The following GSK3B variants were observed in gnomAD, a reference collection of about 807,000 sequenced individuals.
GSK3B encodes glycogen synthase kinase-3 beta.
GSK3B carries 15 observed loss-of-function variants against 56.4 expected under a neutral mutation model. That is an observed-to-expected ratio of 0.27 (90% confidence interval 0.18 to 0.41). The LOEUF is 0.41. GSK3B is among the 10% of genes least tolerant of loss of function. The probability of loss-of-function intolerance (pLI) is 1.00; values close to 1 mark genes in which losing one functional copy is unlikely to be tolerated. For synonymous variants in GSK3B, 181 were observed against 188.9 expected (o/e 0.96, Z 0.34); for missense variants, 300 against 513.4 (o/e 0.58, Z 4.02).
At chr3:120,068,543 A>C (rs1424972781) in intron 1 of GSK3B, among the ~76,000 whole-genome samples, 1 of 151,040 alleles carries the variant, frequency 6.6e-6, no homozygotes, top group African/African-American at 2.4e-5. Context: ...CCTACTAAAA[A>C]TCCAAAAATT....
intron 2 of GSK3B, among the ~76,000 whole-genome samples, chr3:119,957,937 G>A (rs532456506): frequency 4.6e-5 from 7 of 152,224 alleles, no homozygotes; most frequent in Admixed American, 3.3e-4. Flanking sequence ...ATACAAGTAG[G>A]CAAATAAAGA....
intron 7 of GSK3B, 67 bp downstream of exon 7, chr3:119,905,688 T>C: frequency 1.1e-6 from 1 of 889,640 alleles, no homozygotes; most frequent in Admixed American, 1.7e-5. Context: ...TGTACATGTG[T>C]GATATATATT....
chr3:119,967,025 T>C (rs947264489), intron 2 of GSK3B, among the ~76,000 whole-genome samples: 3 of 152,036 alleles, frequency 2.0e-5, no homozygotes, highest in African/African-American at 7.2e-5. Context: ...AATGTTAAGA[T>C]GGCAATATTC....
intron 9 of GSK3B, among the ~76,000 whole-genome samples, chr3:119,846,179 C>T (rs556595065): frequency 1.3e-5 from 2 of 152,156 alleles, no homozygotes; most frequent in East Asian, 3.9e-4. Flanking sequence ...AACGTAAGAC[C>T]TAAAACCATA....
intron 10 of GSK3B, among the ~76,000 whole-genome samples, chr3:119,835,602 T>C (rs1347018316): frequency 3.3e-5 from 5 of 152,214 alleles, no homozygotes; most frequent in African/African-American, 9.6e-5. Context: ...GAAAGTAGAA[T>C]AGAGGCAATT....
At chr3:120,032,469 C>T (rs899546398) in intron 1 of GSK3B, among the ~76,000 whole-genome samples, 38 of 144,342 alleles carry the variant, frequency 2.6e-4, no homozygotes, top group Admixed American at 1.4e-3. Flanking sequence ...AGTGAGACTC[C>T]GTCTCGGAAA....
At position 119,826,733 on chromosome 3, in the gene GSK3B, A is replaced by G; in HGVS notation, c.*55T>C. The G allele has an allele frequency of 3.8e-6, 4 of 1,066,252 alleles. No individual in the cohort carries two copies. The highest frequency in any genetic ancestry group is 4.4e-6 in the Non-Finnish European group (3 of 679,024). The allele number at this position is 1,066,252 out of a possible 1,614,324, so 66.0% of individuals were successfully genotyped here. ...TTTCCAAACGTGACCAGTGTTGCTG[A>G]GTGACACTCAAGTAACTGGTGGTTT... On this transcript the variant is annotated 3_prime_UTR_variant, in exon 11 of 11. Transcript: ENST00000264235.
chr3:119,939,084 G>T (rs370898732), intron 3 of GSK3B, among the ~76,000 whole-genome samples: 32 of 152,034 alleles, frequency 2.1e-4, no homozygotes, highest in Non-Finnish European at 2.8e-4. Context: ...TAAAAGGGGG[G>T]CTGGGGGGAG....
intron 8 of GSK3B, among the ~76,000 whole-genome samples, chr3:119,868,357 A>G (rs1186760947): frequency 6.6e-6 from 1 of 152,246 alleles, no homozygotes; most frequent in Non-Finnish European, 1.5e-5. Context: ...GAACAAATGC[A>G]AAGAAGTCCT....
At chr3:119,898,955 A>G (rs532259649) in intron 7 of GSK3B, among the ~76,000 whole-genome samples, 15 of 152,158 alleles carry the variant, frequency 9.9e-5, no homozygotes, top group Non-Finnish European at 1.5e-4. Flanking sequence ...GTGAGATGAT[A>G]AAATGCCTAT....
intron 1 of GSK3B, among the ~76,000 whole-genome samples, chr3:120,065,458 T>C (rs540318946): frequency 1.3e-5 from 2 of 151,914 alleles, no homozygotes; most frequent in Admixed American, 6.5e-5. Flanking sequence ...AATCAAAAAA[T>C]AGAAATAAGG....
chr3:120,073,521 G>A (rs963914156), intron 1 of GSK3B, among the ~76,000 whole-genome samples: 1 of 152,066 alleles, frequency 6.6e-6, no homozygotes, highest in Admixed American at 6.6e-5. Context: ...CAAGGTATTT[G>A]CTCTTAAAAT....
At chr3:119,879,568 T>C (rs755527564) in intron 7 of GSK3B, among the ~76,000 whole-genome samples, 27 of 152,144 alleles carry the variant, frequency 1.8e-4, no homozygotes, top group Non-Finnish European at 3.4e-4. Context: ...AGTCACCCTG[T>C]TGTGCTATGA....
intron 1 of GSK3B, among the ~76,000 whole-genome samples, chr3:120,058,010 T>C (rs558457239): frequency 1.3e-5 from 2 of 152,232 alleles, no homozygotes; most frequent in South Asian, 2.1e-4. Context: ...TTTCTCTTTA[T>C]TCTTTTCCAC....
At chr3:119,837,496 A>C (rs1425244879) in intron 10 of GSK3B, among the ~76,000 whole-genome samples, 1 of 152,112 alleles carries the variant, frequency 6.6e-6, no homozygotes, top group Non-Finnish European at 1.5e-5. Context: ...GCAAAGATAA[A>C]AATGTGCTCA....
intron 1 of GSK3B, among the ~76,000 whole-genome samples, chr3:120,062,630 C>T (rs549731473): frequency 1.3e-5 from 2 of 152,230 alleles, no homozygotes; most frequent in East Asian, 1.9e-4. Flanking sequence ...TATAGTAAAA[C>T]GTAAAACAAA....
chr3:119,988,638 C>T (rs1474630850), intron 2 of GSK3B, among the ~76,000 whole-genome samples: 1 of 152,176 alleles, frequency 6.6e-6, no homozygotes, highest in African/African-American at 2.4e-5. Context: ...AAGAATGTCA[C>T]TTTCTAGCAG....
intron 1 of GSK3B, among the ~76,000 whole-genome samples, chr3:120,013,531 T>TA (rs1172043056): frequency 3.3e-5 from 5 of 152,174 alleles, no homozygotes; most frequent in Admixed American, 3.3e-4. Flanking sequence ...ACTGCCTCTA[T>TA]AAAAATTTTC....
chr3:119,921,871 C>T (rs1419812701), intron 4 of GSK3B, among the ~76,000 whole-genome samples: 2 of 152,118 alleles, frequency 1.3e-5, no homozygotes, highest in Non-Finnish European at 2.9e-5. Context: ...GGCGTGGTGG[C>T]TTGCGCCTGT....
Sources: allele counts gnomAD v4.1 joint callset (sites outside exome capture counted in the v4.1 genomes callset), GRCh38; gene constraint gnomAD v4.1.1; transcripts MANE v1.5; gene names NCBI Gene and HGNC (gene_info 2026-07-23, HGNC 2026-07-21).